MOB3B: variants seen among roughly 807,000 people sequenced by gnomAD.
The protein encoded by MOB3B is MOB kinase activator 3B, also known as MOB kinase activator-like 2B.
Under a neutral mutation model 18.7 loss-of-function variants are expected in MOB3B, and 7 were observed. The observed-to-expected ratio is 0.37, with a 90% CI of 0.21 to 0.70. The LOEUF (loss-of-function observed/expected upper bound fraction) is 0.70. MOB3B is among the 30% of genes least tolerant of loss of function. The pLI, the probability that MOB3B is intolerant of heterozygous loss-of-function variation, is 0.52. For missense variants in MOB3B, 253 were observed against 281.3 expected (o/e 0.90, Z 0.72); for synonymous variants, 111 against 99.9 (o/e 1.11, Z -0.66).
chr9:27,513,168 G>A (rs1200629597), intron 1 of MOB3B, among the ~76,000 whole-genome samples: 1 of 152,092 alleles, frequency 6.6e-6, no homozygotes, highest in African/African-American at 2.4e-5. Context: ...TGGTACTTCT[G>A]GAAAACTGCC....
intron 1 of MOB3B, among the ~76,000 whole-genome samples, chr9:27,506,535 CT>C (rs5897235): frequency 0.87 from 119,781 of 138,236 alleles, 52,596 homozygotes; most frequent in East Asian, 0.99. Flanking sequence ...CTTATTTAAT[CT>C]TTTTTTTTTT....
intron 2 of MOB3B, among the ~76,000 whole-genome samples, chr9:27,444,142 A>G (rs1162506301): frequency 6.7e-6 from 1 of 149,344 alleles, no homozygotes; most frequent in South Asian, 2.1e-4. Flanking sequence ...GAGAGAGAGA[A>G]AGAAGAAGGA....
chr9:27,475,566 A>G (rs749614446), intron 1 of MOB3B, among the ~76,000 whole-genome samples: 20 of 152,220 alleles, frequency 1.3e-4, no homozygotes, highest in Non-Finnish European at 2.5e-4. Flanking sequence ...CCCTCAAAAC[A>G]CAGGGAGGTC....
intron 2 of MOB3B, among the ~76,000 whole-genome samples, chr9:27,420,650 G>A (rs1256249477): frequency 7.0e-5 from 10 of 142,206 alleles, no homozygotes; most frequent in East Asian, 2.1e-4. Flanking sequence ...GCAGTGACCC[G>A]GATGAGATTG....
At chr9:27,477,892 G>A (rs1378159151) in intron 1 of MOB3B, among the ~76,000 whole-genome samples, 1 of 152,200 alleles carries the variant, frequency 6.6e-6, no homozygotes, top group Non-Finnish European at 1.5e-5. Context: ...CTCATGCAAG[G>A]TAAGATGCTG....
At chr9:27,423,179 T>C (rs775932165) in intron 2 of MOB3B, among the ~76,000 whole-genome samples, 1 of 152,234 alleles carries the variant, frequency 6.6e-6, no homozygotes, top group African/African-American at 2.4e-5. Context: ...GTCATTTTAC[T>C]ACATTGGGCT....
At chr9:27,381,703 G>A (rs1821579772) in intron 2 of MOB3B, among the ~76,000 whole-genome samples, 1 of 152,176 alleles carries the variant, frequency 6.6e-6, no homozygotes, top group African/African-American at 2.4e-5. Flanking sequence ...CTGGTGTGCA[G>A]AGGCGCCATC....
intron 2 of MOB3B, among the ~76,000 whole-genome samples, chr9:27,371,103 A>G (rs543466587): frequency 6.6e-6 from 1 of 152,230 alleles, no homozygotes. Context: ...TCATCTAAAT[A>G]AAGTCAAACA....
intron 1 of MOB3B, among the ~76,000 whole-genome samples, chr9:27,511,871 G>C (rs1290226849): frequency 6.6e-6 from 1 of 152,140 alleles, no homozygotes; most frequent in African/African-American, 2.4e-5. Context: ...AAATAGATCA[G>C]AGATGGGCTA....
chr9:27,334,316 G>A (rs987534420), intron 3 of MOB3B, among the ~76,000 whole-genome samples: 1 of 152,138 alleles, frequency 6.6e-6, no homozygotes, highest in Admixed American at 6.5e-5. Context: ...TGAAGTTTTA[G>A]ATATTTTTGA....
chr9:27,341,324 C>T (rs911406039), intron 3 of MOB3B, among the ~76,000 whole-genome samples: 8 of 152,172 alleles, frequency 5.3e-5, no homozygotes, highest in Admixed American at 5.2e-4. Flanking sequence ...AAGAATTTAC[C>T]TCCCCTGGGA....
rs61043046 is a variant in MOB3B at position 27,365,162 on chromosome 9, C to CAAAAAAAAAAAAAAAAAA, written c.419-5927_419-5926insTTTTTTTTTTTTTTTTTT. Among the ~76,000 whole-genome samples the CAAAAAAAAAAAAAAAAAA allele has an allele frequency of 4.5e-4, 49 of 109,792 alleles. 5 individuals carry two copies. Among genetic ancestry groups the CAAAAAAAAAAAAAAAAAA allele is most frequent in the African/African-American group, 1.2e-3 (35 of 28,414 alleles). 72.0% of individuals were successfully genotyped at this position (109,792 alleles called of 152,430 possible). ...TCCATCATCTCCTGTTTGGGGGAGG[C>CAAAAAAAAAAAAAAAAAA]AAAAAAAAAAAAAGAAAACCCACAG... is the stretch of plus-strand genomic sequence containing the variant. On this transcript the variant is annotated intron_variant, in intron 2 of 3. Coordinates refer to ENST00000262244, the MANE Select transcript of MOB3B (RefSeq NM_024761.5).
At chr9:27,374,112 C>T (rs1821459009) in intron 2 of MOB3B, among the ~76,000 whole-genome samples, 1 of 152,170 alleles carries the variant, frequency 6.6e-6, no homozygotes, top group African/African-American at 2.4e-5. Flanking sequence ...GTTATCCAAC[C>T]AAACAGCAGC....
chr9:27,429,737 AAGATT>A (rs955577600), intron 2 of MOB3B, among the ~76,000 whole-genome samples: 2 of 152,188 alleles, frequency 1.3e-5, no homozygotes, highest in Non-Finnish European at 2.9e-5. Flanking sequence ...GTGCTGGTGG[AAGATT>A]GCCTAGTTTC....
chr9:27,491,059 C>T (rs901456335), intron 1 of MOB3B, among the ~76,000 whole-genome samples: 31 of 151,300 alleles, frequency 2.0e-4, no homozygotes, highest in African/African-American at 6.8e-4. Context: ...TTGCAACAAA[C>T]GGTCCTAGTG....
At chr9:27,360,363 G>A (rs369886582) in intron 2 of MOB3B, among the ~76,000 whole-genome samples, 25 of 152,264 alleles carry the variant, frequency 1.6e-4, no homozygotes, top group African/African-American at 4.6e-4. Flanking sequence ...AAAATTAGCC[G>A]GGCATGTGGC....
At chr9:27,404,931 G>T (rs1434848226) in intron 2 of MOB3B, among the ~76,000 whole-genome samples, 1 of 151,672 alleles carries the variant, frequency 6.6e-6, no homozygotes, top group African/African-American at 2.4e-5. Context: ...CTTAATTATT[G>T]CCTTTCTTTT....
intron 1 of MOB3B, among the ~76,000 whole-genome samples, chr9:27,469,433 C>T (rs571234056): frequency 1.3e-5 from 2 of 152,282 alleles, no homozygotes; most frequent in South Asian, 2.1e-4. Context: ...CCTAACCTGT[C>T]TCCCTCAATC....
intron 2 of MOB3B, among the ~76,000 whole-genome samples, chr9:27,388,938 G>A (rs1446512924): frequency 6.6e-6 from 1 of 152,126 alleles, no homozygotes; most frequent in African/African-American, 2.4e-5. Flanking sequence ...GCCCTCGCCT[G>A]ACCACTGTAA....
Sources: allele counts gnomAD v4.1 joint callset (sites outside exome capture counted in the v4.1 genomes callset), GRCh38; gene constraint gnomAD v4.1.1; transcripts MANE v1.5; gene names NCBI Gene and HGNC (gene_info 2026-07-23, HGNC 2026-07-21).